MBTPS1: variants seen among roughly 807,000 people sequenced by gnomAD.
The protein encoded by MBTPS1 is membrane-bound transcription factor site-1 protease.
Under a neutral mutation model 127.8 loss-of-function variants are expected in MBTPS1, and 94 were observed. The ratio of observed to expected loss-of-function variants is 0.74; its 90% CI spans 0.62 to 0.87. The LOEUF (loss-of-function observed/expected upper bound fraction) is 0.87. Ranked by LOEUF, MBTPS1 falls within the 40% of genes least tolerant of loss-of-function variation. MBTPS1 has a pLI of 0.00. For missense variants in MBTPS1, 1,636 were observed against 1,353.2 expected (o/e 1.21, Z -3.28); for synonymous variants, 632 against 509.4 (o/e 1.24, Z -3.24).
intron 10 of MBTPS1, among the ~76,000 whole-genome samples, chr16:84,083,145 G>A (rs904018389): frequency 1.3e-5 from 2 of 152,198 alleles, no homozygotes; most frequent in African/African-American, 2.4e-5. Context: ...TGGCGTTTAG[G>A]AGAAATGAAC....
chr16:84,070,562 C>T (rs773408565), intron 13 of MBTPS1, 26 bp downstream of exon 13: 1 of 1,606,822 alleles, frequency 6.2e-7, no homozygotes, highest in Non-Finnish European at 8.5e-7. Flanking sequence ...GCTAAGAAAA[C>T]AAGCCACTTT....
chr16:84,097,068 A>G (rs1233450483), intron 3 of MBTPS1, among the ~76,000 whole-genome samples: 1 of 152,234 alleles, frequency 6.6e-6, no homozygotes, highest in Non-Finnish European at 1.5e-5. Context: ...AAAAATTGCC[A>G]AAAGGGACAC....
chr16:84,069,188 T>C (rs1167555276), intron 14 of MBTPS1, among the ~76,000 whole-genome samples: 1 of 152,214 alleles, frequency 6.6e-6, no homozygotes, highest in Non-Finnish European at 1.5e-5. Flanking sequence ...ACTTTCAGCA[T>C]GGAGTTCAAA....
intron 22 of MBTPS1, among the ~76,000 whole-genome samples, chr16:84,055,338 T>G (rs2085506599): frequency 6.6e-6 from 1 of 152,182 alleles, no homozygotes; most frequent in Non-Finnish European, 1.5e-5. Flanking sequence ...GGACAATTCC[T>G]GGAACCCAGA....
intron 21 of MBTPS1, chr16:84,057,041 G>A (rs562381375): frequency 6.6e-6 from 1 of 152,306 alleles, no homozygotes; most frequent in African/African-American, 2.4e-5. Context: ...CTTTCACTTT[G>A]GGCAAGTGAA....
intron 19 of MBTPS1, among the ~76,000 whole-genome samples, chr16:84,062,483 C>T (rs2151142462): frequency 6.6e-6 from 1 of 152,304 alleles, no homozygotes; most frequent in East Asian, 1.9e-4. Flanking sequence ...GGAATGTAGT[C>T]AACTTCAGCC....
In MBTPS1 at chr16:84,095,751, G is replaced by A; in HGVS notation, c.476C>T (p.Ser159Leu). 2.5e-6 allele frequency: 4 copies of A among 1,614,166 alleles called. No homozygotes were observed. Among genetic ancestry groups the A allele is most frequent in the Non-Finnish European group, 3.4e-6 (4 of 1,180,030 alleles). The change falls in exon 4 of 23, where the codon TCA becomes TTA. Residue 159 changes from serine (S) to leucine (L), a missense_variant. By Grantham distance (145) the Ser-to-Leu change is moderately radical. Coordinates refer to ENST00000343411, the MANE Select transcript of MBTPS1 (RefSeq NM_003791.4). Reference sequence around the variant, plus strand: ...GAGGCTGGCTCTTCGCAGGGGACGTGATGATTGCCACTTCTGGCTCCACCG... The same window carrying A: ...GAGGCTGGCTCTTCGCAGGGGACGTAATGATTGCCACTTCTGGCTCCACCG... ...ETRWSQKWQS[S>L]RPLRRASLSL...
intron 4 of MBTPS1, among the ~76,000 whole-genome samples, chr16:84,094,207 C>T (rs577581040): frequency 1.5e-4 from 23 of 152,192 alleles, no homozygotes; most frequent in Non-Finnish European, 2.6e-4. Context: ...CTCCACCCCC[C>T]ACCTTCTCGG....
In MBTPS1 at chr16:84,081,860, G is replaced by T. The variant is rs773843621; in HGVS notation, c.1335C>A (p.Ala445=). The part of the protein sequence containing the change: ...ELVNPASMKQ[A]LIASARRLPG... Reference sequence around the variant, plus strand: ...GGAGCCTCCGGGCTGACGCGATCAGGGCCTGCTTCATACTGGCGGGATTCA... The same window carrying T: ...GGAGCCTCCGGGCTGACGCGATCAGTGCCTGCTTCATACTGGCGGGATTCA... Residue 445 remains alanine, a synonymous_variant, in exon 11 of 23, where the codon GCC becomes GCA. Transcript: ENST00000343411. 1.3e-5 allele frequency: 20 copies of T among 1,510,730 alleles called. No individual in the cohort carries two copies. Among genetic ancestry groups the T allele is most frequent in the Admixed American group, 2.3e-5 (1 of 43,770 alleles). 93.6% of individuals were successfully genotyped at this position (1,510,730 alleles called of 1,614,324 possible).
intron 1 of MBTPS1, among the ~76,000 whole-genome samples, chr16:84,102,807 A>G (rs1328006091): frequency 1.3e-5 from 2 of 152,242 alleles, no homozygotes; most frequent in Non-Finnish European, 2.9e-5. Context: ...AAGAAACACT[A>G]TGCTTTAATA....
intron 1 of MBTPS1, among the ~76,000 whole-genome samples, chr16:84,105,647 G>A (rs57272974): frequency 0.027 from 4,150 of 152,264 alleles, 176 homozygotes; most frequent in African/African-American, 0.095. Context: ...GAGGCAAGGA[G>A]GTGTCCGTCT....
chr16:84,094,100 C>T, intron 4 of MBTPS1, among the ~76,000 whole-genome samples: 1 of 152,062 alleles, frequency 6.6e-6, no homozygotes, highest in Admixed American at 6.6e-5. Context: ...TTGCCACCAG[C>T]ACTCAGGATA....
At chr16:84,080,670 C>A (rs540925124) in intron 11 of MBTPS1, among the ~76,000 whole-genome samples, 1 of 152,264 alleles carries the variant, frequency 6.6e-6, no homozygotes. Flanking sequence ...TGGGGGGACA[C>A]AGGACTCCTC....
chr16:84,073,256 C>T (rs775271701), intron 12 of MBTPS1, among the ~76,000 whole-genome samples: 1 of 152,138 alleles, frequency 6.6e-6, no homozygotes, highest in Non-Finnish European at 1.5e-5. Context: ...GCTTCAGCCT[C>T]CCGAGTAGCT....
chr16:84,087,030 A>G (rs898222776), intron 9 of MBTPS1, among the ~76,000 whole-genome samples: 1 of 152,130 alleles, frequency 6.6e-6, no homozygotes, highest in African/African-American at 2.4e-5. Flanking sequence ...TACCACTACT[A>G]GATAGGGTAA....
At position 84,095,615 on chromosome 16, in the gene MBTPS1, C is replaced by A. The variant is rs774734829; in HGVS notation, c.612G>T (p.Gln204His). 2 of 1,614,162 alleles carry A rather than the reference C, an allele frequency of 1.2e-6. No individual in the cohort carries two copies. The highest frequency in any genetic ancestry group is 1.7e-6 in the Non-Finnish European group (2 of 1,179,976). Residue 204 changes from glutamine (Q) to histidine (H), a missense_variant, in exon 4 of 23, where the codon CAG (glutamine) becomes CAT (histidine). Gln to His is a conservative substitution (Grantham distance 24, BLOSUM62 0). Transcript: ENST00000343411. ...AQTLQADVLW[Q>H]MGYTGANVRV... ...AATAGCACACACCTGTATATCCCAT[C>A]TGCCAGAGCACATCTGCCTGCAGTG...
At position 84,069,857 on chromosome 16, in the gene MBTPS1, G is replaced by T; in HGVS notation, c.1955+9C>A. ...TGGGGAGGTGAAGTGCATCCTGTGA[G>T]GTGCTTACCAGTCTAAAGGGTCATT... On this transcript the variant is annotated intron_variant, in intron 14 of 22. Transcript: ENST00000343411. 4 of 1,610,406 alleles carry T rather than the reference G, an allele frequency of 2.5e-6. No homozygotes were observed. Among genetic ancestry groups the T allele is most frequent in the Non-Finnish European group, 3.4e-6 (4 of 1,178,720 alleles).
chr16:84,092,010 G>C (rs151170015), intron 6 of MBTPS1, among the ~76,000 whole-genome samples, 162 bp from the exon 7 acceptor site: 41 of 152,180 alleles, frequency 2.7e-4, no homozygotes, highest in African/African-American at 9.4e-4. Flanking sequence ...GCTCTGGAGA[G>C]TAAAATACAA....
rs1053756145 is a variant in MBTPS1, at chr16:84,114,433, C to G, written c.-325+2302G>C. 7.9e-5 allele frequency among the ~76,000 whole-genome samples: 12 copies of G among 152,302 alleles called. No homozygotes were observed. In the South Asian group the frequency reaches 2.3e-3, roughly 29 times the overall value. On this transcript the variant is annotated intron_variant, in intron 1 of 22. Coordinates refer to ENST00000343411, the MANE Select transcript of MBTPS1 (RefSeq NM_003791.4). ...TGTCTTCACTGCCTACTGTTTCACACACATCACTCTTGTCTCCTTTTATTC... is the reference window on the plus strand; with the variant it reads ...TGTCTTCACTGCCTACTGTTTCACAGACATCACTCTTGTCTCCTTTTATTC...
Sources: allele counts gnomAD v4.1 joint callset (sites outside exome capture counted in the v4.1 genomes callset), GRCh38; gene constraint gnomAD v4.1.1; transcripts MANE v1.5; gene names NCBI Gene and HGNC (gene_info 2026-07-23, HGNC 2026-07-21).